Variants in PRP4K observed in about 807,000 individuals in gnomAD.
PRP4K encodes serine/threonine-protein kinase PRP4 homolog.
At chr6:4,042,646 C>T in the PRP4K span, 10 of 1,028,082 alleles carry the variant, frequency 9.7e-6, no homozygotes, top group Non-Finnish European at 1.5e-5. Flanking sequence ...GCATTAATAA[C>T]AGTTGAACAG....
the PRP4K span, chr6:4,041,062 C>T: frequency 1.0e-6 from 1 of 968,522 alleles, no homozygotes; most frequent in Non-Finnish European, 1.5e-6. Context: ...AAAAGTTAGT[C>T]TTTTGTGAAT....
chr6:4,052,704 A>T, the PRP4K span: 4 of 1,511,246 alleles, frequency 2.6e-6, no homozygotes, highest in Admixed American at 2.3e-5. Flanking sequence ...TTCTTTTTTT[A>T]ATTTTCTCCT....
the PRP4K span, among the ~76,000 whole-genome samples, chr6:4,048,442 G>A: frequency 4.0e-5 from 6 of 151,390 alleles, no homozygotes; most frequent in South Asian, 4.2e-4. Context: ...AATTTTCCAC[G>A]TAGTGTCAAC....
At chr6:4,054,757 T>C in the PRP4K span, among the ~76,000 whole-genome samples, 1 of 152,030 alleles carries the variant, frequency 6.6e-6, no homozygotes, top group African/African-American at 2.4e-5. Flanking sequence ...GCCCGCCTCG[T>C]CCTCCCAAAG....
the PRP4K span, among the ~76,000 whole-genome samples, chr6:4,041,716 C>T: frequency 6.6e-6 from 1 of 152,154 alleles, no homozygotes; most frequent in African/African-American, 2.4e-5. Flanking sequence ...AGGGATACTG[C>T]ATTCTACAAT....
chr6:4,051,445 T>G, the PRP4K span, among the ~76,000 whole-genome samples: 5 of 151,852 alleles, frequency 3.3e-5, no homozygotes, highest in African/African-American at 1.2e-4. Context: ...GCCTCCCGAG[T>G]AGCTGGGACT....
the PRP4K span, among the ~76,000 whole-genome samples, chr6:4,026,070 C>T: frequency 6.6e-6 from 1 of 152,076 alleles, no homozygotes; most frequent in South Asian, 2.1e-4. Flanking sequence ...GGTGTGATCT[C>T]AGCTCACCAC....
At chr6:4,037,603 C>T in the PRP4K span, 4 of 1,588,386 alleles carry the variant, frequency 2.5e-6, no homozygotes, top group African/African-American at 1.4e-5. Flanking sequence ...ATTCATTAAA[C>T]TCTGAATGTT....
chr6:4,044,944 G>A, the PRP4K span, among the ~76,000 whole-genome samples: 2 of 150,592 alleles, frequency 1.3e-5, no homozygotes, highest in African/African-American at 4.9e-5. Flanking sequence ...CTCACTGCAA[G>A]CTCCGCGTCC....
At chr6:4,048,909 A>G in the PRP4K span, 5 of 661,110 alleles carry the variant, frequency 7.6e-6, no homozygotes, top group African/African-American at 1.9e-5. Context: ...TTTGGAATAA[A>G]ATGCTTTTAT....
At chr6:4,052,944 T>A in the PRP4K span, 9 of 1,363,054 alleles carry the variant, frequency 6.6e-6, no homozygotes, top group African/African-American at 1.0e-4. Context: ...AGTAATATTA[T>A]TACTATGAGA....
the PRP4K span, among the ~76,000 whole-genome samples, chr6:4,023,172 C>T: frequency 2.0e-5 from 3 of 152,170 alleles, no homozygotes; most frequent in African/African-American, 4.8e-5. Context: ...GCCTGGTGCT[C>T]ATAGTGAGTC....
chr6:4,038,431 C>T, the PRP4K span, among the ~76,000 whole-genome samples: 1 of 151,588 alleles, frequency 6.6e-6, no homozygotes, highest in Non-Finnish European at 1.5e-5. Flanking sequence ...CTAGAGGTGC[C>T]CATGCCACCA....
the PRP4K span, among the ~76,000 whole-genome samples, chr6:4,038,460 T>G: frequency 6.6e-6 from 1 of 151,854 alleles, no homozygotes; most frequent in African/African-American, 2.4e-5. Context: ...TTTTTTTTTT[T>G]TGTATTTTTC....
chr6:4,037,688 C>G, the PRP4K span: 1 of 932,956 alleles, frequency 1.1e-6, no homozygotes, highest in Non-Finnish European at 1.5e-6. Flanking sequence ...AGTTGTGTTC[C>G]CATAGTTTCC....
chr6:4,059,146 TC>T, the PRP4K span, among the ~76,000 whole-genome samples: 1 of 152,204 alleles, frequency 6.6e-6, no homozygotes, highest in African/African-American at 2.4e-5. Flanking sequence ...CATGTTCCTA[TC>T]CCTGCTTAAA....
chr6:4,029,573 G>C, the PRP4K span, among the ~76,000 whole-genome samples: 1 of 151,754 alleles, frequency 6.6e-6, no homozygotes, highest in Non-Finnish European at 1.5e-5. Flanking sequence ...GGCTTGTCTC[G>C]AACTCCTGGG....
chr6:4,052,975 G>T, the PRP4K span: 1 of 1,093,280 alleles, frequency 9.1e-7, no homozygotes, highest in East Asian at 2.7e-5. Flanking sequence ...TAGAAGCATA[G>T]TTCAGTATAT....
the PRP4K span, among the ~76,000 whole-genome samples, chr6:4,024,119 A>T: frequency 6.6e-6 from 1 of 151,724 alleles, no homozygotes; most frequent in South Asian, 2.1e-4. Context: ...CCCACCTCAG[A>T]CTCCCAAAGT....
Sources: gnomAD v4.1 joint callset for allele counts (sites outside exome capture counted in the v4.1 genomes callset) on GRCh38, gnomAD v4.1.1 for gene constraint, MANE v1.5 for transcripts, NCBI Gene and HGNC (gene_info 2026-07-23, HGNC 2026-07-21) for gene names.